PTPRQ: variants seen among roughly 807,000 people sequenced by gnomAD.
The protein encoded by PTPRQ is protein tyrosine phosphatase receptor type Q.
Under a neutral mutation model 246.0 loss-of-function variants are expected in PTPRQ, and 199 were observed. The ratio of observed to expected loss-of-function variants is 0.81; its 90% CI spans 0.72 to 0.91. The LOEUF (loss-of-function observed/expected upper bound fraction) is 0.91. PTPRQ is among the 40% of genes least tolerant of loss of function. The pLI is 0.00. For missense variants in PTPRQ, 2,624 were observed against 2,528.4 expected (o/e 1.04, Z -0.81); for synonymous variants, 869 against 853.2 (o/e 1.02, Z -0.32).
At chr12:80,629,152 G>GCACACACACACA (rs35680769) in intron 33 of PTPRQ, among the ~76,000 whole-genome samples, 1 of 146,104 alleles carries the variant, frequency 6.8e-6, no homozygotes, top group Non-Finnish European at 1.5e-5. Context: ...GGAGTGAGTG[G>GCACACACACACA]CACACACACA....
In PTPRQ at chr12:80,614,854, G is replaced by A. The variant is rs554159056; in HGVS notation, c.5163+1018G>A. ...GATTAAATATTCATAGTTATGGTAG[G>A]TAGTGAATGGTACATATATTTTGGC... On this transcript the variant is annotated intron_variant, in intron 29 of 44. Coordinates refer to ENST00000644991, the MANE Select transcript of PTPRQ (RefSeq NM_001145026.2). 3.3e-4 allele frequency among the ~76,000 whole-genome samples: 50 copies of A among 151,038 alleles called. 2 individuals are homozygous for A. Among genetic ancestry groups the A allele is most frequent in the Non-Finnish European group, 5.5e-4 (37 of 67,250 alleles).
At chr12:80,646,949 C>T (rs1321024462) in intron 35 of PTPRQ, among the ~76,000 whole-genome samples, 1 of 152,032 alleles carries the variant, frequency 6.6e-6, no homozygotes, top group Non-Finnish European at 1.5e-5. Flanking sequence ...TAATATTTTG[C>T]TTTAGCTATT....
rs537790033 is a variant in PTPRQ at position 80,455,154 on chromosome 12, C to T, written c.391-2421C>T. Among the ~76,000 whole-genome samples the T allele has an allele frequency of 1.5e-4, 23 of 152,058 alleles. No homozygotes were observed. In the South Asian group the frequency reaches 4.8e-3, roughly 32 times the overall value. On this transcript the variant is annotated intron_variant, in intron 3 of 44. Coordinates refer to ENST00000644991, the MANE Select transcript of PTPRQ (RefSeq NM_001145026.2). ...TGCCATTGCACTCCAGCCTGGACAACAAGAACAAAACGCCGCCAAACAAAA... is the reference window on the plus strand; with the variant it reads ...TGCCATTGCACTCCAGCCTGGACAATAAGAACAAAACGCCGCCAAACAAAA...
chr12:80,618,538 AGTACATATATC>A (rs1156957477), intron 30 of PTPRQ, among the ~76,000 whole-genome samples: 1 of 151,592 alleles, frequency 6.6e-6, no homozygotes, highest in Non-Finnish European at 1.5e-5. Context: ...TAAGGTTAAA[AGTACATATATC>A]TTTTGTTCTA....
intron 26 of PTPRQ, among the ~76,000 whole-genome samples, chr12:80,595,251 G>A (rs1897930898): frequency 6.6e-6 from 1 of 151,960 alleles, no homozygotes; most frequent in Admixed American, 6.6e-5. Context: ...TTTCTTTAGT[G>A]GGGCTTTGAG....
At chr12:80,534,204 GA>G in intron 18 of PTPRQ, 29 bp downstream of exon 18, 1 of 1,432,908 alleles carries the variant, frequency 7.0e-7, no homozygotes, top group South Asian at 1.5e-5. Context: ...CCAATTAAAA[GA>G]ATGTTCTTTT....
intron 23 of PTPRQ, among the ~76,000 whole-genome samples, chr12:80,544,399 A>G (rs1896244008): frequency 6.6e-6 from 1 of 152,204 alleles, no homozygotes; most frequent in Admixed American, 6.6e-5. Context: ...TTATGTGAAC[A>G]TGAGAATAAC....
intron 42 of PTPRQ, among the ~76,000 whole-genome samples, chr12:80,671,037 A>C (rs1009137545): frequency 2.8e-4 from 42 of 152,084 alleles, no homozygotes; most frequent in African/African-American, 9.7e-4. Context: ...TTTTAACAGG[A>C]GTGTACTATA....
intron 3 of PTPRQ, among the ~76,000 whole-genome samples, chr12:80,447,943 T>C (rs1892603881): frequency 6.6e-6 from 1 of 151,120 alleles, no homozygotes; most frequent in Non-Finnish European, 1.5e-5. Flanking sequence ...AAAAATTACA[T>C]TGCTAATTTC....
intron 43 of PTPRQ, among the ~76,000 whole-genome samples, chr12:80,678,051 G>A (rs1298567630): frequency 6.6e-6 from 1 of 152,126 alleles, no homozygotes; most frequent in Non-Finnish European, 1.5e-5. Flanking sequence ...GCACCTGGAT[G>A]TTTGGGTACT....
intron 42 of PTPRQ, among the ~76,000 whole-genome samples, chr12:80,671,433 C>G (rs1027525601): frequency 1.3e-5 from 2 of 152,088 alleles, no homozygotes; most frequent in Non-Finnish European, 2.9e-5. Flanking sequence ...TTCAATTTCT[C>G]TGTATCATGC....
At chr12:80,542,904 T>A in intron 23 of PTPRQ, 23 bp downstream of exon 23, 1 of 1,322,758 alleles carries the variant, frequency 7.6e-7, no homozygotes, top group Non-Finnish European at 9.9e-7. Flanking sequence ...TAACAGTATA[T>A]GTTTATTTTT....
chr12:80,630,738 T>C (rs1011391592), intron 33 of PTPRQ, among the ~76,000 whole-genome samples: 8 of 152,156 alleles, frequency 5.3e-5, no homozygotes, highest in African/African-American at 1.9e-4. Context: ...TATTTTGAGC[T>C]GGTGTTTTGC....
intron 39 of PTPRQ, among the ~76,000 whole-genome samples, chr12:80,668,015 T>C (rs1351764555): frequency 2.6e-5 from 4 of 151,948 alleles, no homozygotes. Flanking sequence ...CTGGATTACA[T>C]TTTAGAGTCC....
At chr12:80,506,701 T>G (rs777917257) in intron 16 of PTPRQ, 31 bp downstream of exon 16, 3 of 1,520,358 alleles carry the variant, frequency 2.0e-6, no homozygotes, top group South Asian at 2.5e-5. Flanking sequence ...TGATATACTT[T>G]GATTCTATAA....
chr12:80,540,519 C>T (rs1896120986), intron 20 of PTPRQ, among the ~76,000 whole-genome samples: 1 of 152,030 alleles, frequency 6.6e-6, no homozygotes, highest in South Asian at 2.1e-4. Flanking sequence ...GGATCATTGC[C>T]TATTTTTCTT....
intron 14 of PTPRQ, among the ~76,000 whole-genome samples, chr12:80,504,409 C>T (rs1894892885): frequency 6.6e-6 from 1 of 151,756 alleles, no homozygotes; most frequent in South Asian, 2.1e-4. Context: ...ATTATTTGCT[C>T]ATATTTTAAA....
At chr12:80,639,502 A>G (rs1339167055) in intron 35 of PTPRQ, among the ~76,000 whole-genome samples, 2 of 152,162 alleles carry the variant, frequency 1.3e-5, no homozygotes, top group African/African-American at 4.8e-5. Context: ...CCAATCCAAT[A>G]ATCACGAATA....
intron 32 of PTPRQ, among the ~76,000 whole-genome samples, chr12:80,621,492 A>G (rs1898987544): frequency 6.6e-6 from 1 of 151,804 alleles, no homozygotes; most frequent in Non-Finnish European, 1.5e-5. Flanking sequence ...AGGATCTTAG[A>G]TTCTTTTTGT....
Sources: allele counts gnomAD v4.1 joint callset (sites outside exome capture counted in the v4.1 genomes callset), GRCh38; gene constraint gnomAD v4.1.1; transcripts MANE v1.5; gene names NCBI Gene and HGNC (gene_info 2026-07-23, HGNC 2026-07-21).